The following PACSIN1 variants were observed in gnomAD, a reference collection of about 807,000 sequenced individuals.
PACSIN1 encodes the protein protein kinase C and casein kinase substrate in neurons 1.
In PACSIN1, 15 loss-of-function variants were observed where a neutral mutation model predicts 59.5. The ratio of observed to expected loss-of-function variants is 0.25; its 90% CI spans 0.17 to 0.39. The LOEUF (loss-of-function observed/expected upper bound fraction) is 0.39, where lower values mean the gene tolerates loss of function less well. Ranked by LOEUF, PACSIN1 falls within the 10% of genes least tolerant of loss-of-function variation. The pLI, the probability that PACSIN1 is intolerant of heterozygous loss-of-function variation, is 1.00. For missense variants in PACSIN1, 420 were observed against 580.2 expected (o/e 0.72, Z 2.84); for synonymous variants, 210 against 220.6 (o/e 0.95, Z 0.42).
rs778999809 is a variant in PACSIN1 at position 34,516,601 on chromosome 6, G to C, written c.-63-9642G>C. On this transcript the variant is annotated intron_variant, in intron 1 of 9. Coordinates refer to ENST00000244458, the MANE Select transcript of PACSIN1 (RefSeq NM_020804.5). This position sits in a 1 kb window ranked among gnomAD's most constrained non-coding sequence, Gnocchi z 5.4. ...AGGGGCTGGTGAGGCCTGGAGGGCA[G>C]GTTCTTTGGGTGAGAGCTGAAGGAA... is the stretch of plus-strand genomic sequence containing the variant. Among the ~76,000 whole-genome samples, 9 of 152,128 alleles carry C rather than the reference G, an allele frequency of 5.9e-5. No individual in the cohort carries two copies. Among genetic ancestry groups the C allele is most frequent in the Non-Finnish European group, 1.3e-4 (9 of 68,008 alleles).
intron 1 of PACSIN1, among the ~76,000 whole-genome samples, chr6:34,495,142 C>A (rs1236330079): frequency 6.6e-6 from 1 of 152,166 alleles, no homozygotes; most frequent in African/African-American, 2.4e-5. Flanking sequence ...CTCAGCTAGG[C>A]ATTAGGCAAA....
chr6:34,496,100 G>A (rs1175426036), intron 1 of PACSIN1, among the ~76,000 whole-genome samples: 1 of 152,206 alleles, frequency 6.6e-6, no homozygotes, highest in East Asian at 1.9e-4. Flanking sequence ...TTGTGCAGAT[G>A]CAGGTGATTG....
In PACSIN1 at chr6:34,529,806, C is replaced by T. The variant is rs765532497; in HGVS notation, c.753C>T (p.Asp251=). 2 of 1,613,906 alleles carry T rather than the reference C, an allele frequency of 1.2e-6. No individual in the cohort carries two copies. The highest frequency in any genetic ancestry group is 1.7e-6 in the Non-Finnish European group (2 of 1,179,938). ...RLVFLKEVLL[D]IKRHLNLAEN... ...TCTTCCTCAAGGAGGTGCTGCTGGA[C>T]ATCAAACGGCACCTCAACCTGGCTG... The change falls in exon 6 of 10, where the codon GAC becomes GAT. Residue 251 remains aspartate, a synonymous_variant. Transcript: ENST00000244458. The surrounding 1 kb of genome is among the most constrained non-coding windows in gnomAD (Gnocchi z 6.3).
intron 1 of PACSIN1, among the ~76,000 whole-genome samples, chr6:34,508,458 G>T (rs1006770038): frequency 1.1e-4 from 16 of 152,134 alleles, no homozygotes; most frequent in African/African-American, 3.9e-4. Context: ...GTAGAGACGA[G>T]GTCTCGCTAT....
At chr6:34,526,484 C>G in intron 2 of PACSIN1, 116 bp downstream of exon 2, 1 of 784,024 alleles carries the variant, frequency 1.3e-6, no homozygotes, top group South Asian at 1.6e-5. Context: ...CCCCAGGCCC[C>G]TCCAAAGCCC....
At chr6:34,527,539 C>T in intron 3 of PACSIN1, 51 bp downstream of exon 3, 2 of 1,511,276 alleles carry the variant, frequency 1.3e-6, no homozygotes, top group Non-Finnish European at 8.9e-7. Context: ...CACGAGCCCC[C>T]TAGGTCTGGG....
intron 1 of PACSIN1, among the ~76,000 whole-genome samples, chr6:34,508,805 G>A (rs1767154723): frequency 6.6e-6 from 1 of 152,102 alleles, no homozygotes; most frequent in South Asian, 2.1e-4. Context: ...TATACCAGTT[G>A]TTCATTTGTA....
Position 34,527,430 on chromosome 6 carries a change from G to T in PACSIN1, c.162G>T (p.Lys54Asn). The change falls in exon 3 of 10, where the codon AAG becomes AAT. Residue 54 changes from lysine to asparagine, a missense_variant. Lys to Asn is a moderately conservative substitution (Grantham distance 94). Coordinates refer to ENST00000244458, the MANE Select transcript of PACSIN1 (RefSeq NM_020804.5). ...TGCAGGAGCGCGCCAAGATCGAGAAGGCGTACGGGCAGCAGCTCACCGACT... is the reference window on the plus strand; with the variant it reads ...TGCAGGAGCGCGCCAAGATCGAGAATGCGTACGGGCAGCAGCTCACCGACT... The part of the protein sequence containing the change: ...NCVQERAKIE[K>N]AYGQQLTDWA... 6.3e-7 allele frequency: 1 copy of T among 1,598,816 alleles called. No individual in the cohort carries two copies. The highest frequency in any genetic ancestry group is 8.5e-7 in the Non-Finnish European group (1 of 1,174,062).
intron 1 of PACSIN1, among the ~76,000 whole-genome samples, chr6:34,490,833 C>T (rs1026251637): frequency 2.6e-5 from 4 of 152,150 alleles, no homozygotes; most frequent in Non-Finnish European, 5.9e-5. Context: ...GCAGCCCTGG[C>T]GTTTCTGCTT....
chr6:34,468,019 G>T (rs535825409), intron 1 of PACSIN1, among the ~76,000 whole-genome samples: 3 of 152,164 alleles, frequency 2.0e-5, no homozygotes, highest in African/African-American at 7.2e-5. Context: ...TCCTCAGGCC[G>T]CTGGGTTGGC....
chr6:34,485,319 T>C (rs888421231), intron 1 of PACSIN1, among the ~76,000 whole-genome samples: 1 of 151,730 alleles, frequency 6.6e-6, no homozygotes, highest in Non-Finnish European at 1.5e-5. Flanking sequence ...GTCTGGCAGA[T>C]AGACAGTAGG....
intron 1 of PACSIN1, among the ~76,000 whole-genome samples, chr6:34,483,909 A>G (rs1189217434): frequency 3.3e-5 from 5 of 151,894 alleles, no homozygotes; most frequent in Admixed American, 2.6e-4. Context: ...TCGGCCTCCC[A>G]AAGTGTTGGG....
chr6:34,526,746 G>T (rs895692757), intron 2 of PACSIN1, among the ~76,000 whole-genome samples: 6 of 152,176 alleles, frequency 3.9e-5, no homozygotes, highest in African/African-American at 1.4e-4. Context: ...CAGAGAGAGG[G>T]AGTGAGCTCC....
chr6:34,475,521 G>C (rs1766626957), intron 1 of PACSIN1, among the ~76,000 whole-genome samples: 1 of 152,174 alleles, frequency 6.6e-6, no homozygotes, highest in Admixed American at 6.5e-5. Flanking sequence ...AGTCTCCCAG[G>C]GTTACCTTCC....
rs1425701841 is a variant in PACSIN1, at chr6:34,531,762, G to A, written c.1200G>A (p.Glu400=). ...VRALYDYDGQ[E]QDELSFKAGD... ...CACTCTACGACTATGACGGCCAGGA[G>A]CAGGACGAGCTCAGCTTTAAGGCCG... Residue 400 remains glutamate (E), a synonymous_variant, in exon 9 of 10, where the codon GAG becomes GAA. Coordinates refer to ENST00000244458, the MANE Select transcript of PACSIN1 (RefSeq NM_020804.5). This position sits in a 1 kb window ranked among gnomAD's most constrained non-coding sequence, Gnocchi z 4.4. 2.5e-6 allele frequency: 4 copies of A among 1,580,734 alleles called. No homozygotes were observed. Among genetic ancestry groups the A allele is most frequent in the Admixed American group, 3.6e-5 (2 of 56,190 alleles).
chr6:34,482,392 T>C (rs1443635757), intron 1 of PACSIN1, among the ~76,000 whole-genome samples: 1 of 151,930 alleles, frequency 6.6e-6, no homozygotes, highest in Non-Finnish European at 1.5e-5. Context: ...AGCCTTGGCT[T>C]CTTTCACTTA....
chr6:34,494,370 A>G (rs949550855), intron 1 of PACSIN1, among the ~76,000 whole-genome samples: 1 of 152,156 alleles, frequency 6.6e-6, no homozygotes, highest in Non-Finnish European at 1.5e-5. Flanking sequence ...TTTAATGCAC[A>G]CAGGTGTCTT....
intron 1 of PACSIN1, among the ~76,000 whole-genome samples, chr6:34,474,770 C>G (rs963681008): frequency 2.5e-5 from 3 of 117,694 alleles, no homozygotes; most frequent in Non-Finnish European, 4.9e-5. Context: ...GCCTGGGTGA[C>G]AGAGCAAGAC....
intron 1 of PACSIN1, among the ~76,000 whole-genome samples, chr6:34,511,933 C>T (rs1414262453): frequency 2.0e-5 from 3 of 152,010 alleles, no homozygotes; most frequent in Non-Finnish European, 2.9e-5. Context: ...GGCATGAGGG[C>T]CGCTGCCCTG....
Sources: allele counts gnomAD v4.1 joint callset (sites outside exome capture counted in the v4.1 genomes callset), GRCh38; gene constraint gnomAD v4.1.1; non-coding constraint Gnocchi (gnomAD v3.1); transcripts MANE v1.5; gene names NCBI Gene and HGNC (gene_info 2026-07-23, HGNC 2026-07-21).